The following GOLGA4 variants were observed in gnomAD, a reference collection of about 807,000 sequenced individuals.
The protein encoded by GOLGA4 is golgin subfamily A member 4.
A neutral mutation model predicts 265.9 loss-of-function variants in GOLGA4; 169 were observed. The ratio of observed to expected loss-of-function variants is 0.64; its 90% CI spans 0.56 to 0.72. The LOEUF is 0.72. GOLGA4 is among the 30% of genes least tolerant of loss of function. The probability of loss-of-function intolerance (pLI) is 0.00; values close to 1 mark genes in which losing one functional copy is unlikely to be tolerated. For missense variants in GOLGA4, 2,482 were observed against 2,483.4 expected, an observed-to-expected ratio of 1.00 and a Z score of 0.01; for synonymous variants, 923 against 855.8, an observed-to-expected ratio of 1.08 and a Z score of -1.37.
chr3:37,272,527 A>G (rs2096801482), intron 2 of GOLGA4, among the ~76,000 whole-genome samples: 2 of 152,168 alleles, frequency 1.3e-5, no homozygotes, highest in South Asian at 4.1e-4. Flanking sequence ...ATGGAGCAAG[A>G]CCCTGTCTCA....
intron 2 of GOLGA4, among the ~76,000 whole-genome samples, chr3:37,269,965 C>T (rs1022979246): frequency 1.4e-5 from 2 of 141,922 alleles, no homozygotes; most frequent in Non-Finnish European, 3.0e-5. Flanking sequence ...GTGATCTCAG[C>T]TCACTGCAAT....
rs141237426 is a variant in GOLGA4, at chr3:37,291,090, G to A, written c.582+1799G>A. Reference sequence around the variant, plus strand: ...TACAGTTAATGATTAGATATACATAGTAATGGAGAGCAGGCATGTTTAAAA... The same window carrying A: ...TACAGTTAATGATTAGATATACATAATAATGGAGAGCAGGCATGTTTAAAA... On this transcript the variant is annotated intron_variant, in intron 5 of 23. Transcript: ENST00000361924. 2.4e-4 allele frequency among the ~76,000 whole-genome samples: 37 copies of A among 152,288 alleles called. No individual in the cohort carries two copies. The East Asian group carries it at 7.1e-3, about 29-fold the overall frequency.
At position 37,324,451 on chromosome 3, in the gene GOLGA4, G is replaced by A. The variant is rs754892817; in HGVS notation, c.2565G>A (p.Glu855=). 8.1e-6 allele frequency: 13 copies of A among 1,614,180 alleles called. No homozygotes were observed. The highest frequency in any genetic ancestry group is 1.1e-5 in the South Asian group (1 of 91,080). The part of the protein sequence containing the change: ...VEAQKKDVCT[E]LDAHKIQVQD... Reference sequence around the variant, plus strand: ...CACAAAAGAAAGATGTTTGTACTGAGTTAGATGCTCACAAAATCCAGGTGC... The same window carrying A: ...CACAAAAGAAAGATGTTTGTACTGAATTAGATGCTCACAAAATCCAGGTGC... The change falls in exon 14 of 24, where the codon GAG becomes GAA. Residue 855 remains glutamate, a synonymous_variant. Transcript: ENST00000361924.
chr3:37,353,599 G>A (rs1046719148), intron 21 of GOLGA4, among the ~76,000 whole-genome samples: 3 of 152,012 alleles, frequency 2.0e-5, no homozygotes, highest in Non-Finnish European at 4.4e-5. Context: ...TGATAGCGGT[G>A]CGATCGTAGT....
In GOLGA4 at chr3:37,254,782, G is replaced by A. The variant is rs566063486; in HGVS notation, c.162+3298G>A. Among the ~76,000 whole-genome samples, 14 of 149,892 alleles carry A rather than the reference G, an allele frequency of 9.3e-5. No individual in the cohort carries two copies. In the South Asian group the frequency reaches 2.3e-3, roughly 25 times the overall value. On this transcript the variant is annotated intron_variant, in intron 2 of 23. Transcript: ENST00000361924. ...CTCCCAAAGTGCTGGGATTACGGGC[G>A]CGAGCCACTGTGCCGGGCCGTATTT...
Position 37,366,227 on chromosome 3 carries a change from T to G in GOLGA4, c.*181T>G. On this transcript the variant is annotated 3_prime_UTR_variant, in exon 24 of 24. Coordinates refer to ENST00000361924, the MANE Select transcript of GOLGA4 (RefSeq NM_002078.5). ...GACCAAGAAAAATCTGGCCCACAGA[T>G]AAGTTGCAGACTGCCTTTAAAATAG... The G allele has an allele frequency of 1.1e-5, 7 of 641,946 alleles. No homozygotes were observed. Among genetic ancestry groups the G allele is most frequent in the Non-Finnish European group, 1.8e-5 (7 of 393,910 alleles). The allele number at this position is 641,946 out of a possible 1,614,324, so 39.8% of individuals were successfully genotyped here.
chr3:37,298,582 TA>T (rs2150854536), intron 7 of GOLGA4, among the ~76,000 whole-genome samples: 1 of 152,330 alleles, frequency 6.6e-6, no homozygotes, highest in East Asian at 1.9e-4. Flanking sequence ...AAAGGCAATC[TA>T]GTCTCCAGGC....
Position 37,355,377 on chromosome 3 carries a change from T to C in GOLGA4, c.6663+190T>C, listed in dbSNP as rs2097088219. On this transcript the variant is annotated intron_variant, in intron 22 of 23. Transcript: ENST00000361924. ...CAAGGGTAAATGTGAATGGATGCCC[T>C]CAAGGGAAGGAAGAGTCTAATTTAA... Among the ~76,000 whole-genome samples the C allele has an allele frequency of 2.0e-5, 3 of 152,070 alleles. No homozygotes were observed. The South Asian group carries it at 6.2e-4, about 31-fold the overall frequency.
chr3:37,251,348 C>G, intron 1 of GOLGA4, 47 bp from the exon 2 acceptor site: 1 of 1,158,532 alleles, frequency 8.6e-7, no homozygotes, highest in Non-Finnish European at 1.3e-6. Context: ...TCATAGTTCA[C>G]TAGTCAATAT....
intron 6 of GOLGA4, among the ~76,000 whole-genome samples, chr3:37,295,815 A>G (rs1051585030): frequency 2.0e-5 from 3 of 152,142 alleles, no homozygotes; most frequent in African/African-American, 7.2e-5. Flanking sequence ...TCTTCTCATT[A>G]TTTTCTAAAA....
At chr3:37,257,938 TAC>T (rs1455743419) in intron 2 of GOLGA4, among the ~76,000 whole-genome samples, 4 of 110,796 alleles carry the variant, frequency 3.6e-5, no homozygotes, top group South Asian at 5.0e-4. Context: ...TATATATACA[TAC>T]ATATATATGT....
At chr3:37,364,647 C>T (rs1016972568) in intron 23 of GOLGA4, among the ~76,000 whole-genome samples, 1 of 149,136 alleles carries the variant, frequency 6.7e-6, no homozygotes, top group Non-Finnish European at 1.5e-5. Context: ...AGTGCAGTGG[C>T]GTGAACACAG....
At chr3:37,345,193 G>A (rs1208831550) in intron 20 of GOLGA4, among the ~76,000 whole-genome samples, 1 of 152,188 alleles carries the variant, frequency 6.6e-6, no homozygotes, top group African/African-American at 2.4e-5. Context: ...CTGGGTGACA[G>A]TGAGACCCTG....
At chr3:37,295,959 C>A in intron 6 of GOLGA4, 128 bp from the exon 7 acceptor site, 1 of 731,860 alleles carries the variant, frequency 1.4e-6, no homozygotes, top group Non-Finnish European at 2.4e-6. Context: ...ATATAATGGA[C>A]TTGAGCTCCT....
At chr3:37,358,780 C>T (rs2097096901) in intron 22 of GOLGA4, among the ~76,000 whole-genome samples, 1 of 152,120 alleles carries the variant, frequency 6.6e-6, no homozygotes, top group South Asian at 2.1e-4. Flanking sequence ...AGGGTCAAGT[C>T]ACACGGTGAT....
At position 37,324,486 on chromosome 3, in the gene GOLGA4, T is replaced by A; in HGVS notation, c.2600T>A (p.Met867Lys). The A allele has an allele frequency of 6.2e-7, 1 of 1,614,050 alleles. No individual in the cohort carries two copies. Among genetic ancestry groups the A allele is most frequent in the Non-Finnish European group, 8.5e-7 (1 of 1,179,966 alleles). ...DAHKIQVQDL[M>K]QQLEKQNSEM... ...CACAAAATCCAGGTGCAGGACTTAA[T>A]GCAGCAACTTGAAAAACAAAATAGT... The change falls in exon 14 of 24, where the codon ATG becomes AAG. Residue 867 changes from methionine to lysine, a missense_variant. Coordinates refer to ENST00000361924, the MANE Select transcript of GOLGA4 (RefSeq NM_002078.5).
At chr3:37,335,203 A>G (rs2150999004) in intron 17 of GOLGA4, 37 bp downstream of exon 17, 1 of 1,050,260 alleles carries the variant, frequency 9.5e-7, no homozygotes, top group East Asian at 2.5e-5. Flanking sequence ...ATGTTTCTTG[A>G]AAACATTGTC....
At chr3:37,354,638 A>G (rs1160445181) in intron 21 of GOLGA4, among the ~76,000 whole-genome samples, 1 of 152,080 alleles carries the variant, frequency 6.6e-6, no homozygotes, top group Non-Finnish European at 1.5e-5. Flanking sequence ...CTTGAAAAAT[A>G]CCTACTGAGC....
chr3:37,320,290 G>A (rs1178703764), intron 12 of GOLGA4: 1 of 152,076 alleles, frequency 6.6e-6, no homozygotes, highest in Non-Finnish European at 1.5e-5. Flanking sequence ...AATGTAATTT[G>A]TTTTTGTATG....
Sources: gnomAD v4.1 joint callset for allele counts (sites outside exome capture counted in the v4.1 genomes callset) on GRCh38, gnomAD v4.1.1 for gene constraint, MANE v1.5 for transcripts, NCBI Gene and HGNC (gene_info 2026-07-23, HGNC 2026-07-21) for gene names.